LDLRAD4: variants seen among roughly 807,000 people sequenced by gnomAD.
The protein encoded by LDLRAD4 is low density lipoprotein receptor class A domain containing 4.
A neutral mutation model predicts 17.0 loss-of-function variants in LDLRAD4; 5 were observed. The ratio of observed to expected loss-of-function variants is 0.29; its 90% CI spans 0.15 to 0.62. The LOEUF (loss-of-function observed/expected upper bound fraction) is 0.62. Ranked by LOEUF, LDLRAD4 falls within the 20% of genes least tolerant of loss-of-function variation. LDLRAD4 has a pLI of 0.84. For synonymous variants in LDLRAD4, 168 were observed against 171.8 expected (o/e 0.98, Z 0.17); for missense variants, 340 against 424.7 (o/e 0.80, Z 1.75).
intron 3 of LDLRAD4, among the ~76,000 whole-genome samples, chr18:13,491,750 C>T (rs914052888): frequency 1.3e-5 from 2 of 152,120 alleles, no homozygotes; most frequent in African/African-American, 2.4e-5. Context: ...AAGAACAAGA[C>T]CCAGAACTAG....
intron 2 of LDLRAD4, among the ~76,000 whole-genome samples, chr18:13,408,736 G>T (rs966051064): frequency 6.6e-6 from 1 of 152,028 alleles, no homozygotes; most frequent in African/African-American, 2.4e-5. Flanking sequence ...CTCCCAAAGT[G>T]CTGGGATTAC....
chr18:13,468,443 G>A (rs368865885), intron 3 of LDLRAD4, among the ~76,000 whole-genome samples: 20 of 152,254 alleles, frequency 1.3e-4, no homozygotes, highest in Admixed American at 5.9e-4. Flanking sequence ...TCAGTGTGGC[G>A]ATTCCTCAAG....
chr18:13,594,647 C>A, intron 3 of LDLRAD4, among the ~76,000 whole-genome samples: 1 of 91,138 alleles, frequency 1.1e-5, no homozygotes, highest in Non-Finnish European at 2.0e-5. Flanking sequence ...GCCTGGGTGA[C>A]AGAGCAAGAT....
At chr18:13,534,623 C>G (rs1285822726) in intron 3 of LDLRAD4, among the ~76,000 whole-genome samples, 3 of 151,882 alleles carry the variant, frequency 2.0e-5, no homozygotes, top group Non-Finnish European at 4.4e-5. Context: ...GTGCCCTGTA[C>G]TTTCTTATAC....
intron 3 of LDLRAD4, among the ~76,000 whole-genome samples, chr18:13,558,290 T>C (rs2094505177): frequency 2.0e-5 from 3 of 152,218 alleles, no homozygotes; most frequent in Admixed American, 6.5e-5. Flanking sequence ...TGATGGGTTC[T>C]GAAGACACAT....
chr18:13,551,297 C>G (rs974340627), intron 3 of LDLRAD4, among the ~76,000 whole-genome samples: 9 of 152,178 alleles, frequency 5.9e-5, no homozygotes, highest in Admixed American at 5.9e-4. Context: ...CCTATCAGGG[C>G]CACCTTGTAG....
At position 13,384,697 on chromosome 18, in the gene LDLRAD4, G is replaced by A. The variant is rs528392746; in HGVS notation, c.-382-2644G>A. On this transcript the variant is annotated intron_variant, in intron 1 of 5. Coordinates refer to ENST00000359446, the Ensembl canonical transcript of LDLRAD4. ...TTCAATTCCTGGCTTATTTCATTTG[G>A]CTTAATGTCCATCCGTTTCATAAGT... Among the ~76,000 whole-genome samples the A allele has an allele frequency of 8.2e-4, 124 of 152,144 alleles. 1 individual carries two copies. In the Middle Eastern group the frequency reaches 0.014, roughly 17 times the overall value.
chr18:13,330,077 T>C (rs183323823), intron 1 of LDLRAD4, among the ~76,000 whole-genome samples: 34 of 152,166 alleles, frequency 2.2e-4, no homozygotes, highest in Admixed American at 1.9e-3. Context: ...TGCCTCAGCC[T>C]CCTGAGTAGC....
chr18:13,288,030 CCAAAGTGATCACT>C (rs2045730663), intron 1 of LDLRAD4, among the ~76,000 whole-genome samples: 1 of 152,184 alleles, frequency 6.6e-6, no homozygotes, highest in Non-Finnish European at 1.5e-5. Context: ...ATTATCCTCT[CCAAAGTGATCACT>C]CTATTCCGTG....
At chr18:13,571,834 C>T (rs1473596380) in intron 3 of LDLRAD4, among the ~76,000 whole-genome samples, 8 of 152,098 alleles carry the variant, frequency 5.3e-5, no homozygotes, top group African/African-American at 1.4e-4. Flanking sequence ...GACGAGGTTT[C>T]ACCGTGTTAA....
intron 3 of LDLRAD4, among the ~76,000 whole-genome samples, chr18:13,480,054 C>T (rs1022492736): frequency 3.3e-5 from 5 of 152,202 alleles, no homozygotes; most frequent in African/African-American, 1.2e-4. Flanking sequence ...AACAATTGTG[C>T]TCCTCGGTAT....
chr18:13,421,395 G>A (rs1201273214), intron 2 of LDLRAD4, among the ~76,000 whole-genome samples: 1 of 152,192 alleles, frequency 6.6e-6, no homozygotes, highest in Admixed American at 6.5e-5. Flanking sequence ...AGCTGGGTGT[G>A]CCAGGCAAGG....
intron 1 of LDLRAD4, among the ~76,000 whole-genome samples, chr18:13,333,705 A>G (rs1427384172): frequency 6.6e-6 from 1 of 152,192 alleles, no homozygotes; most frequent in Non-Finnish European, 1.5e-5. Context: ...GTCAAAGATC[A>G]ATTGACTATT....
intron 1 of LDLRAD4, among the ~76,000 whole-genome samples, chr18:13,250,091 G>T (rs1158095899): frequency 6.6e-6 from 1 of 152,322 alleles, no homozygotes; most frequent in East Asian, 1.9e-4. Context: ...CTTAATGAGT[G>T]TTCTTGGCCT....
intron 1 of LDLRAD4, among the ~76,000 whole-genome samples, chr18:13,243,398 C>T (rs1015919441): frequency 1.3e-5 from 2 of 152,102 alleles, no homozygotes; most frequent in Non-Finnish European, 2.9e-5. Context: ...CAGCATCCAC[C>T]CATCCACCCA....
intron 1 of LDLRAD4, among the ~76,000 whole-genome samples, chr18:13,366,871 T>C (rs1173570114): frequency 2.6e-5 from 4 of 152,222 alleles, no homozygotes; most frequent in Non-Finnish European, 5.9e-5. Flanking sequence ...CAAAGACACA[T>C]TGGCGTGTTT....
intron 1 of LDLRAD4, among the ~76,000 whole-genome samples, chr18:13,363,281 G>A (rs935315028): frequency 1.3e-4 from 19 of 149,370 alleles, no homozygotes; most frequent in Non-Finnish European, 2.4e-4. Context: ...GCAGTGAGCC[G>A]AGATCGCGCC....
intron 2 of LDLRAD4, among the ~76,000 whole-genome samples, chr18:13,405,932 T>C (rs2145604134): frequency 6.6e-6 from 1 of 152,314 alleles, no homozygotes; most frequent in South Asian, 2.1e-4. Context: ...CAGCTTATCT[T>C]GCTGTGAGAG....
chr18:13,317,918 TG>T (rs2081015378), intron 1 of LDLRAD4, among the ~76,000 whole-genome samples: 1 of 152,260 alleles, frequency 6.6e-6, no homozygotes, highest in South Asian at 2.1e-4. Flanking sequence ...TGACACCAAC[TG>T]TTTCTACTAG....
Sources: allele counts gnomAD v4.1 joint callset (sites outside exome capture counted in the v4.1 genomes callset), GRCh38; gene constraint gnomAD v4.1.1; transcripts MANE v1.5; gene names NCBI Gene and HGNC (gene_info 2026-07-23, HGNC 2026-07-21).